The following PRDM5 variants were observed in gnomAD, a reference collection of about 807,000 sequenced individuals.
The protein encoded by PRDM5 is PR domain zinc finger protein 5.
In PRDM5, 56 loss-of-function variants were observed where a neutral mutation model predicts 81.2. That is an observed-to-expected ratio of 0.69 (90% CI 0.56 to 0.86). The LOEUF (loss-of-function observed/expected upper bound fraction) is 0.86. Ranked by LOEUF, PRDM5 falls within the 40% of genes least tolerant of loss-of-function variation. The pLI is 0.00. For synonymous variants in PRDM5, 267 were observed against 256.4 expected (o/e 1.04, Z -0.39); for missense variants, 697 against 770.1 (o/e 0.91, Z 1.12).
At chr4:120,743,866 A>G (rs975056999) in intron 14 of PRDM5, among the ~76,000 whole-genome samples, 2 of 150,366 alleles carry the variant, frequency 1.3e-5, no homozygotes, top group African/African-American at 2.5e-5. Context: ...CATTAGACAG[A>G]TCAACGAGAC....
chr4:120,853,291 T>C, intron 3 of PRDM5, 127 bp downstream of exon 3: 2 of 1,410,822 alleles, frequency 1.4e-6, no homozygotes, highest in Middle Eastern at 3.8e-4. Context: ...GAGATTTCTC[T>C]GCTTTTATGA....
chr4:120,710,248 C>T, intron 15 of PRDM5, 61 bp downstream of exon 15: 4 of 1,391,164 alleles, frequency 2.9e-6, no homozygotes, highest in Non-Finnish European at 3.0e-6. Context: ...CATACACACA[C>T]ACACACACCC....
Position 120,818,352 on chromosome 4 carries a change from CTG to C in PRDM5, c.649_650del (p.His217CysfsTer33). The C allele has an allele frequency of 6.2e-7, 1 of 1,613,034 alleles. No homozygotes were observed. The highest frequency in any genetic ancestry group is 1.7e-5 in the Admixed American group (1 of 59,982). ...KFPVKQALQRHVLQCTAKSSL... is the reference protein window; with the variant it reads ...KFPVKQALQRXVLQCTAKSSL... The stretch of plus-strand genomic sequence containing the variant: ...TAAAGATATTTCTTTAATATACGCA[CTG>C]TCTTTGCAAAGCCTGCTTAACTGGG... On this transcript the variant is annotated frameshift_variant and splice_region_variant, in exon 5 of 16. Transcript: ENST00000264808. LOFTEE classifies it high-confidence loss of function.
At chr4:120,698,355 C>T (rs185258011) in intron 15 of PRDM5, among the ~76,000 whole-genome samples, 3 of 152,196 alleles carry the variant, frequency 2.0e-5, no homozygotes, top group African/African-American at 7.2e-5. Flanking sequence ...TAATGATCTA[C>T]TCTCCTTGTT....
At chr4:120,872,181 C>T in intron 2 of PRDM5, among the ~76,000 whole-genome samples, 1 of 91,370 alleles carries the variant, frequency 1.1e-5, no homozygotes, top group East Asian at 3.2e-4. Context: ...AAAACCTGTA[C>T]AGAGGTATGA....
At chr4:120,824,740 C>T (rs1363342646) in intron 3 of PRDM5, among the ~76,000 whole-genome samples, 2 of 151,558 alleles carry the variant, frequency 1.3e-5, no homozygotes, top group Non-Finnish European at 2.9e-5. Context: ...CCTACTGGCC[C>T]AACAATATAA....
chr4:120,780,795 A>C (rs1748924672), intron 12 of PRDM5, among the ~76,000 whole-genome samples: 1 of 152,168 alleles, frequency 6.6e-6, no homozygotes, highest in African/African-American at 2.4e-5. Context: ...AAATTATTAA[A>C]GTACTACTCA....
In PRDM5 at chr4:120,818,531, C is replaced by T. The variant is rs1476049480; in HGVS notation, c.476-4G>A. ...TCCTCTTTACAGCCAAGGCGATCTG[C>T]ACATTCACAAGGAAACATATTCATG... is the stretch of plus-strand genomic sequence containing the variant. On this transcript the variant is annotated splice_polypyrimidine_tract_variant and splice_region_variant and intron_variant, in intron 4 of 15. Transcript: ENST00000264808. 1.9e-6 allele frequency: 3 copies of T among 1,611,236 alleles called. No individual in the cohort carries two copies. The highest frequency in any genetic ancestry group is 1.7e-5 in the Admixed American group (1 of 59,988).
chr4:120,725,267 T>C (rs983896111), intron 14 of PRDM5, among the ~76,000 whole-genome samples: 6 of 123,796 alleles, frequency 4.8e-5, no homozygotes, highest in African/African-American at 5.4e-5. Context: ...TCATCTGATA[T>C]ACAGTTGTTT....
At chr4:120,858,049 A>G (rs1760083707) in intron 2 of PRDM5, among the ~76,000 whole-genome samples, 1 of 152,230 alleles carries the variant, frequency 6.6e-6, no homozygotes, top group African/African-American at 2.4e-5. Flanking sequence ...TAATGGCAGC[A>G]AATACAGTCA....
At chr4:120,718,342 C>T (rs1023379817) in intron 14 of PRDM5, among the ~76,000 whole-genome samples, 9 of 152,140 alleles carry the variant, frequency 5.9e-5, no homozygotes, top group Non-Finnish European at 8.8e-5. Flanking sequence ...TTAAAGGGTA[C>T]GCATACCTTT....
intron 3 of PRDM5, among the ~76,000 whole-genome samples, chr4:120,827,131 C>T (rs2597537): frequency 0.25 from 38,351 of 152,098 alleles, 5,616 homozygotes; most frequent in East Asian, 0.35. Context: ...TTCCTTCGGA[C>T]AACGAATGCA....
At chr4:120,890,990 G>A (rs1763984082) in intron 2 of PRDM5, among the ~76,000 whole-genome samples, 1 of 152,064 alleles carries the variant, frequency 6.6e-6, no homozygotes, top group Admixed American at 6.6e-5. Context: ...GGCCCCATTT[G>A]TCAATTTTTG....
At chr4:120,910,675 A>G (rs1317224979) in intron 1 of PRDM5, among the ~76,000 whole-genome samples, 1 of 152,166 alleles carries the variant, frequency 6.6e-6, no homozygotes, top group Non-Finnish European at 1.5e-5. Flanking sequence ...TTTTAGTGGA[A>G]TTATATGAAA....
intron 13 of PRDM5, among the ~76,000 whole-genome samples, chr4:120,772,357 C>T (rs2149212785): frequency 6.6e-6 from 1 of 152,238 alleles, no homozygotes; most frequent in Non-Finnish European, 1.5e-5. Flanking sequence ...CAAGTAAGCC[C>T]AAATTTAGAA....
At chr4:120,743,083 G>A (rs1179499965) in intron 14 of PRDM5, among the ~76,000 whole-genome samples, 6 of 151,846 alleles carry the variant, frequency 4.0e-5, no homozygotes, top group Non-Finnish European at 5.9e-5. Flanking sequence ...CGGATCTCTC[G>A]GCAGAAACCC....
downstream of PRDM5, among the ~76,000 whole-genome samples, chr4:120,691,442 G>A (rs1428724249): frequency 6.6e-6 from 1 of 151,968 alleles, no homozygotes; most frequent in East Asian, 1.9e-4. Flanking sequence ...ATTATTTTTT[G>A]TATCAAGAAA....
chr4:120,854,594 G>T (rs903523895), intron 2 of PRDM5, among the ~76,000 whole-genome samples: 1 of 152,068 alleles, frequency 6.6e-6, no homozygotes. Context: ...CAATTATTGG[G>T]TCCTTAATGG....
Position 120,915,202 on chromosome 4 carries a change from C to T in PRDM5, c.93+7314G>A, listed in dbSNP as rs560742395. 1.3e-3 allele frequency among the ~76,000 whole-genome samples: 195 copies of T among 152,216 alleles called. 1 individual carries two copies. The highest frequency in any genetic ancestry group is 2.3e-3 in the Non-Finnish European group (156 of 68,006). On this transcript the variant is annotated intron_variant, in intron 1 of 15. Coordinates refer to ENST00000264808, the MANE Select transcript of PRDM5 (RefSeq NM_018699.4). ...AAGAAGGTTAGTAAGAGTATCACTA[C>T]TATCCTAACAATGAGAATGATAAAC...
Sources: gnomAD v4.1 joint callset for allele counts (sites outside exome capture counted in the v4.1 genomes callset) on GRCh38, gnomAD v4.1.1 for gene constraint, MANE v1.5 for transcripts, NCBI Gene and HGNC (gene_info 2026-07-23, HGNC 2026-07-21) for gene names.